WDR7: variants seen among roughly 807,000 people sequenced by gnomAD.
The protein encoded by WDR7 is WD repeat domain 7.
Under a neutral mutation model 169.4 loss-of-function variants are expected in WDR7, and 46 were observed. That is an observed-to-expected ratio of 0.27 (90% CI 0.21 to 0.35). The LOEUF is 0.35. Among genes scored for constraint, WDR7 ranks in the 10% least tolerant of loss-of-function variants. WDR7 has a pLI of 1.00. For missense variants in WDR7, 1,534 were observed against 1,859.3 expected, an observed-to-expected ratio of 0.83 and a Z score of 3.22; for synonymous variants, 612 against 666.8, an observed-to-expected ratio of 0.92 and a Z score of 1.27.
At chr18:56,816,255 G>A in intron 20 of WDR7, 111 bp downstream of exon 20, 1 of 848,960 alleles carries the variant, frequency 1.2e-6, no homozygotes, top group East Asian at 2.8e-5. Flanking sequence ...ATGGAAACTT[G>A]TACTGATGGT....
chr18:56,665,570 T>G (rs1225935358), intron 1 of WDR7, among the ~76,000 whole-genome samples: 1 of 152,226 alleles, frequency 6.6e-6, no homozygotes, highest in African/African-American at 2.4e-5. Context: ...TTTTGGTGTT[T>G]GTTTTATATC....
chr18:56,994,533 G>C (rs2047869359), intron 26 of WDR7, among the ~76,000 whole-genome samples: 1 of 152,084 alleles, frequency 6.6e-6, no homozygotes, highest in South Asian at 2.1e-4. Context: ...TAAGTCCTGG[G>C]AATTTTTTCT....
At position 56,781,674 on chromosome 18, in the gene WDR7, T is replaced by C; in HGVS notation, c.3190+18T>C. 1 of 1,569,446 alleles carries C rather than the reference T, an allele frequency of 6.4e-7. No homozygotes were observed. Among genetic ancestry groups the C allele is most frequent in the Non-Finnish European group, 8.7e-7 (1 of 1,155,844 alleles). On this transcript the variant is annotated intron_variant, in intron 19 of 27. Transcript: ENST00000254442. ...CATATCACGTAAGAGTTCTCATGCT[T>C]CTCTACAAAGCTTTGCAGGAATATG...
intron 12 of WDR7, among the ~76,000 whole-genome samples, chr18:56,701,111 T>C (rs59124367): frequency 0.03 from 4,600 of 152,278 alleles, 219 homozygotes; most frequent in African/African-American, 0.1. Flanking sequence ...CCAAGAAATA[T>C]AAGCTTACAT....
At chr18:56,965,652 A>C (rs1381061421) in intron 26 of WDR7, among the ~76,000 whole-genome samples, 2 of 152,086 alleles carry the variant, frequency 1.3e-5, no homozygotes, top group African/African-American at 4.8e-5. Context: ...ATTGTCTACT[A>C]CAATGTCAGA....
At chr18:57,015,555 CTT>C (rs913585424) in intron 26 of WDR7, among the ~76,000 whole-genome samples, 1 of 152,128 alleles carries the variant, frequency 6.6e-6, no homozygotes. Context: ...AGAGCGATGT[CTT>C]TGTCTTCTCT....
chr18:56,745,704 C>T (rs1293492125), intron 14 of WDR7, among the ~76,000 whole-genome samples: 1 of 151,984 alleles, frequency 6.6e-6, no homozygotes, highest in Non-Finnish European at 1.5e-5. Context: ...AGGTTGGGGA[C>T]CCTTGTTCTA....
intron 20 of WDR7, among the ~76,000 whole-genome samples, chr18:56,873,337 A>G (rs1259034147): frequency 6.6e-6 from 1 of 152,206 alleles, no homozygotes; most frequent in Non-Finnish European, 1.5e-5. Flanking sequence ...AGCAGAGGGT[A>G]CCTGTTACAA....
In WDR7 at chr18:56,756,840, G is replaced by A. The variant is rs373185489; in HGVS notation, c.2247G>A (p.Thr749=). The A allele has an allele frequency of 7.4e-6, 12 of 1,613,878 alleles. No homozygotes were observed. In the South Asian group the frequency reaches 8.8e-5, roughly 12 times the overall value. ...TTCTCTTCCAACAAGTGAAAGAAAC[G>A]ATCAAAGAGAACATCAAGGAACACC... ...AAVLFQQVKE[T]IKENIKEHLL... is the part of the protein sequence containing the mutation. Residue 749 remains threonine, a synonymous_variant, in exon 15 of 28, where the codon ACG becomes ACA. Transcript: ENST00000254442.
intron 3 of WDR7, among the ~76,000 whole-genome samples, chr18:56,680,130 G>A (rs993976354): frequency 2.6e-5 from 4 of 152,142 alleles, no homozygotes; most frequent in Non-Finnish European, 4.4e-5. Flanking sequence ...GCTGGGATGG[G>A]CGGATCACGT....
chr18:56,988,651 A>G (rs949351594), intron 26 of WDR7, among the ~76,000 whole-genome samples: 3 of 145,618 alleles, frequency 2.1e-5, no homozygotes, highest in African/African-American at 7.7e-5. Context: ...AGTCGTCGCA[A>G]TTTTGCAGCA....
chr18:56,716,060 T>C (rs2026185383), intron 12 of WDR7, among the ~76,000 whole-genome samples: 1 of 151,902 alleles, frequency 6.6e-6, no homozygotes, highest in South Asian at 2.1e-4. Context: ...TGTGTGTGTG[T>C]GTGTGTATTT....
intron 19 of WDR7, among the ~76,000 whole-genome samples, chr18:56,806,280 C>T (rs996888974): frequency 2.8e-4 from 43 of 152,224 alleles, no homozygotes; most frequent in African/African-American, 1.0e-3. Context: ...ATTTTTCCTC[C>T]TGCCTTCGCC....
chr18:56,930,860 C>T (rs2145671610), intron 22 of WDR7, among the ~76,000 whole-genome samples: 1 of 152,230 alleles, frequency 6.6e-6, no homozygotes, highest in South Asian at 2.1e-4. Flanking sequence ...TTACATTATT[C>T]CTTAATTTGA....
chr18:56,854,585 A>G (rs1476072936), intron 20 of WDR7, among the ~76,000 whole-genome samples: 2 of 152,204 alleles, frequency 1.3e-5, no homozygotes, highest in Admixed American at 1.3e-4. Context: ...TGGACAGAAA[A>G]GGTATGCTCT....
chr18:56,751,544 C>T (rs1232321398), intron 14 of WDR7, among the ~76,000 whole-genome samples: 1 of 152,168 alleles, frequency 6.6e-6, no homozygotes, highest in Admixed American at 6.5e-5. Flanking sequence ...ATTACCTATT[C>T]CTTCATACCC....
At chr18:56,963,753 G>A (rs565998445) in intron 26 of WDR7, among the ~76,000 whole-genome samples, 248 of 152,162 alleles carry the variant, frequency 1.6e-3, no homozygotes, top group Non-Finnish European at 3.0e-3. Context: ...TGAGAACAAT[G>A]AAAACACTCT....
At chr18:57,001,554 G>C (rs147739997) in intron 26 of WDR7, among the ~76,000 whole-genome samples, 1 of 152,084 alleles carries the variant, frequency 6.6e-6, no homozygotes, top group Non-Finnish European at 1.5e-5. Context: ...GCCTTAATGA[G>C]GTAAAATACA....
chr18:56,673,655 G>A lies in WDR7; in HGVS notation c.159+981G>A, dbSNP rs572911906. 2.9e-4 allele frequency among the ~76,000 whole-genome samples: 44 copies of A among 151,974 alleles called. 1 individual carries two copies. The South Asian group carries it at 8.5e-3, about 29-fold the overall frequency. ...TTGAGACCAGCCTGGGCAACATGGT[G>A]AAACCCCATCTCTACTGAAAATACA... On this transcript the variant is annotated intron_variant, in intron 2 of 27. Transcript: ENST00000254442.
Sources: allele counts gnomAD v4.1 joint callset (sites outside exome capture counted in the v4.1 genomes callset), GRCh38; gene constraint gnomAD v4.1.1; transcripts MANE v1.5; gene names NCBI Gene and HGNC (gene_info 2026-07-23, HGNC 2026-07-21).